VWA8: variants seen among roughly 807,000 people sequenced by gnomAD.
VWA8 encodes the protein von Willebrand factor A domain containing 8.
A neutral mutation model predicts 241.5 loss-of-function variants in VWA8; 221 were observed. That is an observed-to-expected ratio of 0.91 (90% CI 0.82 to 1.02). The LOEUF is 1.02. Ranked by LOEUF, VWA8 falls within the 50% of genes least tolerant of loss-of-function variation. VWA8 has a pLI of 0.00. For missense variants in VWA8, 2,322 were observed against 2,328.7 expected, an observed-to-expected ratio of 1.00 and a Z score of 0.06; for synonymous variants, 852 against 827.1, an observed-to-expected ratio of 1.03 and a Z score of -0.52.
chr13:41,613,274 T>C (rs2044601240), intron 38 of VWA8, among the ~76,000 whole-genome samples: 1 of 152,200 alleles, frequency 6.6e-6, no homozygotes, highest in African/African-American at 2.4e-5. Context: ...TACTTTAATC[T>C]TTTGATTGGA....
chr13:41,774,666 T>C (rs1283964684), intron 20 of VWA8, among the ~76,000 whole-genome samples: 4 of 152,140 alleles, frequency 2.6e-5, no homozygotes, highest in South Asian at 2.1e-4. Flanking sequence ...CTTCAAGCCA[T>C]AGCATTCACA....
At chr13:41,915,535 T>C (rs535641307) in intron 2 of VWA8, among the ~76,000 whole-genome samples, 1 of 152,218 alleles carries the variant, frequency 6.6e-6, no homozygotes, top group Non-Finnish European at 1.5e-5. Flanking sequence ...GGCACCATAG[T>C]TGAGAAATAT....
At chr13:41,829,965 G>A (rs552538505) in intron 14 of VWA8, among the ~76,000 whole-genome samples, 4 of 152,122 alleles carry the variant, frequency 2.6e-5, no homozygotes, top group East Asian at 1.9e-4. Flanking sequence ...ACTGTCGGCC[G>A]GGCACAGTGG....
At chr13:41,642,233 C>T (rs952994763) in intron 37 of VWA8, among the ~76,000 whole-genome samples, 1 of 152,158 alleles carries the variant, frequency 6.6e-6, no homozygotes, top group Non-Finnish European at 1.5e-5. Context: ...ACATGCTTGC[C>T]TATAAAATGT....
intron 2 of VWA8, among the ~76,000 whole-genome samples, chr13:41,929,385 T>C (rs1445156730): frequency 4.6e-5 from 7 of 152,132 alleles, no homozygotes; most frequent in Non-Finnish European, 8.8e-5. Flanking sequence ...ACTCCTGGGC[T>C]AGAGCAATCC....
Position 41,692,970 on chromosome 13 carries a change from A to G in VWA8, c.3567T>C (p.Ser1189=). ...KGQVVLHEQQ[S]NVILLLDTTG... ...TAGTATCTAACAACAGGATAACATTACTCTGCAAATGATAAAAACAGTGAA... is the reference window on the plus strand; with the variant it reads ...TAGTATCTAACAACAGGATAACATTGCTCTGCAAATGATAAAAACAGTGAA... Residue 1189 remains serine (S), a splice_region_variant and synonymous_variant, in exon 30 of 45, where the codon AGT becomes AGC. Coordinates refer to ENST00000379310, the MANE Select transcript of VWA8 (RefSeq NM_015058.2). The G allele has an allele frequency of 6.3e-7, 1 of 1,594,774 alleles. No individual in the cohort carries two copies. The highest frequency in any genetic ancestry group is 8.6e-7 in the Non-Finnish European group (1 of 1,168,464).
intron 21 of VWA8, among the ~76,000 whole-genome samples, chr13:41,755,438 T>C (rs998601583): frequency 3.9e-5 from 6 of 152,016 alleles, no homozygotes; most frequent in Non-Finnish European, 7.4e-5. Context: ...TGTAATACTA[T>C]TATCAATCAA....
intron 39 of VWA8, among the ~76,000 whole-genome samples, chr13:41,606,888 A>G (rs1014373112): frequency 2.6e-5 from 4 of 152,148 alleles, no homozygotes; most frequent in Non-Finnish European, 4.4e-5. Flanking sequence ...CCTTGCATAA[A>G]GCTGGCCATT....
At chr13:41,926,369 T>A (rs1045235716) in intron 2 of VWA8, 1 of 559,890 alleles carries the variant, frequency 1.8e-6, no homozygotes, top group African/African-American at 1.9e-5. Context: ...GTTTCTTGGA[T>A]GAACTGGGAT....
chr13:41,937,411 T>C (rs986244024), intron 2 of VWA8, among the ~76,000 whole-genome samples: 3 of 152,294 alleles, frequency 2.0e-5, no homozygotes, highest in Middle Eastern at 3.4e-3. Context: ...CGTCAGGCAT[T>C]AGGTTCTCAT....
At chr13:41,702,458 G>A (rs559735691) in intron 27 of VWA8, among the ~76,000 whole-genome samples, 62 of 152,326 alleles carry the variant, frequency 4.1e-4, no homozygotes, top group Non-Finnish European at 7.9e-4. Context: ...AGCAGACAAG[G>A]AGGCTCTGAC....
intron 9 of VWA8, among the ~76,000 whole-genome samples, chr13:41,875,730 G>A (rs935201773): frequency 6.6e-6 from 1 of 151,972 alleles, no homozygotes; most frequent in African/African-American, 2.4e-5. Flanking sequence ...TACTTCAGGA[G>A]TGGAACTTTT....
At chr13:41,744,481 T>G (rs1438067183) in intron 21 of VWA8, among the ~76,000 whole-genome samples, 1 of 152,198 alleles carries the variant, frequency 6.6e-6, no homozygotes, top group Non-Finnish European at 1.5e-5. Context: ...TAAATCTACT[T>G]ACTACTAATT....
At chr13:41,605,104 G>C in intron 40 of VWA8, 64 bp downstream of exon 40, 1 of 1,510,772 alleles carries the variant, frequency 6.6e-7, no homozygotes, top group Non-Finnish European at 9.1e-7. Flanking sequence ...TTTTCTCCAA[G>C]ACTTTAGGAA....
intron 12 of VWA8, among the ~76,000 whole-genome samples, chr13:41,842,244 C>G (rs906741520): frequency 6.6e-6 from 1 of 152,124 alleles, no homozygotes; most frequent in Admixed American, 6.5e-5. Context: ...GTGAACAGAA[C>G]GCAGGCATGC....
chr13:41,642,055 C>T (rs1053848244), intron 37 of VWA8, among the ~76,000 whole-genome samples: 4 of 152,138 alleles, frequency 2.6e-5, no homozygotes, highest in Non-Finnish European at 5.9e-5. Flanking sequence ...TCAGTCTCAT[C>T]AGCAGAATTA....
intron 17 of VWA8, among the ~76,000 whole-genome samples, chr13:41,809,180 C>A (rs1380059107): frequency 1.3e-5 from 2 of 152,066 alleles, no homozygotes; most frequent in East Asian, 1.9e-4. Context: ...AATGTCCATA[C>A]TACCACAAAC....
intron 9 of VWA8, among the ~76,000 whole-genome samples, chr13:41,872,956 A>G (rs1455109690): frequency 1.3e-5 from 2 of 152,132 alleles, no homozygotes; most frequent in African/African-American, 2.4e-5. Flanking sequence ...ATGTTCTTCC[A>G]TTTGTTTGTA....
At chr13:41,799,107 CA>C (rs925042150) in intron 17 of VWA8, among the ~76,000 whole-genome samples, 2 of 151,940 alleles carry the variant, frequency 1.3e-5, no homozygotes, top group African/African-American at 4.8e-5. Flanking sequence ...TTGATAGTCT[CA>C]AATTGTTCTA....
Sources: allele counts gnomAD v4.1 joint callset (sites outside exome capture counted in the v4.1 genomes callset), GRCh38; gene constraint gnomAD v4.1.1; transcripts MANE v1.5; gene names NCBI Gene and HGNC (gene_info 2026-07-23, HGNC 2026-07-21).